The following APBA2 variants were observed in gnomAD, a reference collection of about 807,000 sequenced individuals.
The protein encoded by APBA2 is amyloid-beta A4 precursor protein-binding family A member 2.
Under a neutral mutation model 75.0 loss-of-function variants are expected in APBA2, and 30 were observed. That is an observed-to-expected ratio of 0.40 (90% CI 0.30 to 0.54). The LOEUF is 0.54. Ranked by LOEUF, APBA2 falls within the 20% of genes least tolerant of loss-of-function variation. APBA2 has a pLI of 0.49. For synonymous variants in APBA2, 444 were observed against 409.6 expected (o/e 1.08, Z -1.01); for missense variants, 801 against 1,016.1 (o/e 0.79, Z 2.88).
At chr15:28,925,331 T>C (rs541179115) in intron 2 of APBA2, among the ~76,000 whole-genome samples, 1 of 152,240 alleles carries the variant, frequency 6.6e-6, no homozygotes. Flanking sequence ...GGCAGTGGTA[T>C]GTCATTTTCT....
intron 2 of APBA2, among the ~76,000 whole-genome samples, chr15:28,961,930 C>A (rs2036494859): frequency 6.6e-6 from 1 of 152,150 alleles, no homozygotes; most frequent in Non-Finnish European, 1.5e-5. Flanking sequence ...AGAGATACCT[C>A]CCTTTATCCA....
rs373347277 is a variant in APBA2, at chr15:29,051,541, C to T, written c.-40-2304C>T. 2.4e-4 allele frequency among the ~76,000 whole-genome samples: 36 copies of T among 152,254 alleles called. No homozygotes were observed. In the South Asian group the frequency reaches 6.6e-3, roughly 28 times the overall value. ...ATTCACACGTTGGAAGCATGTGGCT[C>T]CATCAGTAATTGTGCCCACACTCTG... On this transcript the variant is annotated intron_variant, in intron 3 of 14. Coordinates refer to ENST00000683413, the MANE Select transcript of APBA2 (RefSeq NM_001353788.2).
At chr15:28,895,530 C>G (rs1402688790) in intron 1 of APBA2, 2 of 152,250 alleles carry the variant, frequency 1.3e-5, no homozygotes, top group Non-Finnish European at 2.9e-5. Flanking sequence ...GCGGAGGGAG[C>G]TGTTCATCCT....
At chr15:28,985,486 C>G (rs2037872385) in intron 2 of APBA2, among the ~76,000 whole-genome samples, 1 of 152,146 alleles carries the variant, frequency 6.6e-6, no homozygotes, top group Admixed American at 6.5e-5. Flanking sequence ...AAAAGGAAAG[C>G]ATGCGTGGGA....
At chr15:28,940,356 CAA>C (rs398043111) in intron 2 of APBA2, among the ~76,000 whole-genome samples, 967 of 38,308 alleles carry the variant, frequency 0.025, 5 homozygotes, top group African/African-American at 0.064. Flanking sequence ...ACTAAAAATA[CAA>C]AAAAAAAAAA....
intron 7 of APBA2, 110 bp downstream of exon 7, chr15:29,093,330 T>G: frequency 1.4e-6 from 2 of 1,475,318 alleles, no homozygotes; most frequent in Non-Finnish European, 1.8e-6. Flanking sequence ...TGCACAGCCC[T>G]CAGCACAGGG....
intron 2 of APBA2, among the ~76,000 whole-genome samples, chr15:28,955,982 C>T (rs539779608): frequency 2.0e-5 from 3 of 152,288 alleles, no homozygotes; most frequent in South Asian, 2.1e-4. Flanking sequence ...CAGGCCCCAC[C>T]CTGGCTCTGC....
At chr15:29,068,816 T>G (rs1387520976) in intron 4 of APBA2, among the ~76,000 whole-genome samples, 3 of 152,210 alleles carry the variant, frequency 2.0e-5, no homozygotes, top group Non-Finnish European at 4.4e-5. Flanking sequence ...TTTGAGACCC[T>G]TAGAGGGCTC....
chr15:29,034,434 A>G (rs1450567825), intron 3 of APBA2, among the ~76,000 whole-genome samples: 1 of 152,218 alleles, frequency 6.6e-6, no homozygotes, highest in African/African-American at 2.4e-5. Context: ...CCTCCAAGGT[A>G]CCAGAAGGCC....
chr15:29,035,045 C>G (rs959514861), intron 3 of APBA2, among the ~76,000 whole-genome samples: 6 of 152,230 alleles, frequency 3.9e-5, no homozygotes, highest in Non-Finnish European at 8.8e-5. Flanking sequence ...GGCCTGGTGT[C>G]TCTGTCTAGC....
At chr15:28,963,173 A>G (rs571618375) in intron 2 of APBA2, among the ~76,000 whole-genome samples, 5 of 152,262 alleles carry the variant, frequency 3.3e-5, no homozygotes, top group African/African-American at 1.2e-4. Context: ...ATATTTTTCT[A>G]ATTACGTTTG....
At position 28,969,143 on chromosome 15, in the gene APBA2, T is replaced by TCTTG. The variant is rs1262725299; in HGVS notation, c.-94-26607_-94-26606insGCTT. 5.4e-5 allele frequency among the ~76,000 whole-genome samples: 4 copies of TCTTG among 74,618 alleles called. No individual in the cohort carries two copies. The African/African-American group carries it at 2.0e-3, about 37-fold the overall frequency. The allele number at this position is 74,618 out of a possible 152,430, so 49.0% of individuals were successfully genotyped here. A position where few individuals can be genotyped will look rare whatever the true frequency, so the allele number is the denominator to read the frequency against. ...TTTCATTTCTTTTTCTTTCTTTCTT[T>TCTTG]CTTTCTTTCTTTCTTTCTTTCTTTC... On this transcript the variant is annotated intron_variant, in intron 2 of 14. Coordinates refer to ENST00000683413, the MANE Select transcript of APBA2 (RefSeq NM_001353788.2).
At chr15:28,957,487 G>T (rs2036236482) in intron 2 of APBA2, among the ~76,000 whole-genome samples, 1 of 152,292 alleles carries the variant, frequency 6.6e-6, no homozygotes, top group South Asian at 2.1e-4. Flanking sequence ...TTCCAAAGGG[G>T]CTGCACACCA....
chr15:28,928,582 C>T (rs1300408755), intron 2 of APBA2, among the ~76,000 whole-genome samples: 1 of 152,134 alleles, frequency 6.6e-6, no homozygotes, highest in African/African-American at 2.4e-5. Context: ...ATAGCTTTTC[C>T]AGACCCCAAA....
intron 2 of APBA2, among the ~76,000 whole-genome samples, chr15:28,977,719 G>T (rs961366632): frequency 6.6e-6 from 1 of 152,214 alleles, no homozygotes; most frequent in Admixed American, 6.5e-5. Flanking sequence ...ATGTGTACAT[G>T]TCTGGGCCTA....
Position 28,966,491 on chromosome 15 carries a change from A to C in APBA2, c.-94-29262A>C, listed in dbSNP as rs139875405. Among the ~76,000 whole-genome samples the C allele has an allele frequency of 4.6e-5, 7 of 152,224 alleles. No homozygotes were observed. The East Asian group carries it at 9.7e-4, about 21-fold the overall frequency. ...TACTCTGAAGTCTGCCTGGATATTA[A>C]TATAGCCACTTTTGCTTTCTCATGA... On this transcript the variant is annotated intron_variant, in intron 2 of 14. Coordinates refer to ENST00000683413, the MANE Select transcript of APBA2 (RefSeq NM_001353788.2).
chr15:29,043,096 C>T (rs781506249), intron 3 of APBA2, among the ~76,000 whole-genome samples: 2 of 152,176 alleles, frequency 1.3e-5, no homozygotes, highest in East Asian at 3.9e-4. Context: ...CAGCAAATAC[C>T]GGCCAGGCCA....
intron 2 of APBA2, among the ~76,000 whole-genome samples, chr15:28,976,752 T>G (rs1375678592): frequency 6.6e-6 from 1 of 152,248 alleles, no homozygotes; most frequent in African/African-American, 2.4e-5. Context: ...TTTTCACCTG[T>G]TTATAAATGA....
chr15:28,950,707 C>A (rs186626768), intron 2 of APBA2, among the ~76,000 whole-genome samples: 1 of 152,114 alleles, frequency 6.6e-6, no homozygotes, highest in East Asian at 1.9e-4. Flanking sequence ...ATGTGCAGAG[C>A]CCATGCTTAA....
Sources: gnomAD v4.1 joint callset for allele counts (sites outside exome capture counted in the v4.1 genomes callset) on GRCh38, gnomAD v4.1.1 for gene constraint, MANE v1.5 for transcripts, NCBI Gene and HGNC (gene_info 2026-07-23, HGNC 2026-07-21) for gene names.